Variants in CSMD1 observed in about 807,000 individuals in gnomAD.
The protein encoded by CSMD1 is CUB and Sushi multiple domains 1, also known as CUB and sushi domain-containing protein 1.
A neutral mutation model predicts 417.5 loss-of-function variants in CSMD1; 213 were observed. The observed-to-expected ratio is 0.51, with a 90% confidence interval of 0.46 to 0.57. The LOEUF is 0.57. CSMD1 is among the 20% of genes least tolerant of loss of function. The probability of loss-of-function intolerance (pLI) is 0.00; values close to 1 mark genes in which losing one functional copy is unlikely to be tolerated. For missense variants in CSMD1, 6,923 were observed against 4,529.7 expected (o/e 1.53, Z -15.17); for synonymous variants, 2,862 against 1,736.8 (o/e 1.65, Z -16.11).
intron 2 of CSMD1, among the ~76,000 whole-genome samples, chr8:4,434,719 A>C (rs948138149): frequency 1.3e-5 from 2 of 152,180 alleles, no homozygotes; most frequent in African/African-American, 4.8e-5. Context: ...TGCCCCTGAC[A>C]GTGCTCATCC....
intron 49 of CSMD1, among the ~76,000 whole-genome samples, chr8:3,084,373 A>G (rs1449850888): frequency 6.6e-6 from 1 of 151,876 alleles, no homozygotes. Context: ...AATACAAAAA[A>G]TTAGCCGGCT....
chr8:3,864,642 C>T (rs930915556), intron 5 of CSMD1, among the ~76,000 whole-genome samples: 22 of 152,164 alleles, frequency 1.4e-4, no homozygotes, highest in African/African-American at 4.6e-4. Flanking sequence ...CAACAGGCCC[C>T]GGTGTGTGAT....
intron 1 of CSMD1, among the ~76,000 whole-genome samples, chr8:4,642,157 G>C (rs1219802371): frequency 6.6e-6 from 1 of 152,190 alleles, no homozygotes; most frequent in Non-Finnish European, 1.5e-5. Flanking sequence ...GCTCGGCAAG[G>C]AGCCTATAGG....
At chr8:4,198,270 G>T (rs377579482) in intron 3 of CSMD1, among the ~76,000 whole-genome samples, 1 of 152,234 alleles carries the variant, frequency 6.6e-6, no homozygotes, top group South Asian at 2.1e-4. Flanking sequence ...TATTACAGAA[G>T]CACAGAAGGT....
chr8:3,057,126 G>A (rs1812284125), intron 49 of CSMD1, among the ~76,000 whole-genome samples: 1 of 151,922 alleles, frequency 6.6e-6, no homozygotes, highest in South Asian at 2.1e-4. Flanking sequence ...ATGCTTATAT[G>A]GTAAGAAATG....
At chr8:3,306,426 G>A (rs527273833) in intron 25 of CSMD1, among the ~76,000 whole-genome samples, 17 of 152,136 alleles carry the variant, frequency 1.1e-4, no homozygotes, top group Middle Eastern at 3.4e-3. Flanking sequence ...CACCCACCTC[G>A]GCCTCCCAAA....
At chr8:4,910,185 T>C (rs1345236353) in intron 1 of CSMD1, among the ~76,000 whole-genome samples, 1 of 152,208 alleles carries the variant, frequency 6.6e-6, no homozygotes, top group Non-Finnish European at 1.5e-5. Context: ...ATTATACACA[T>C]ACACACACTT....
chr8:4,008,735 T>G (rs2740959), intron 4 of CSMD1, among the ~76,000 whole-genome samples: 1 of 150,592 alleles, frequency 6.6e-6, no homozygotes, highest in South Asian at 2.1e-4. Context: ...CTCAGCCTCC[T>G]GAGTAGCTGG....
intron 3 of CSMD1, among the ~76,000 whole-genome samples, chr8:4,071,531 A>G (rs1275407014): frequency 1.3e-5 from 2 of 152,124 alleles, no homozygotes; most frequent in African/African-American, 2.4e-5. Context: ...CATAATTGTA[A>G]TAACAGCTGC....
In CSMD1 at chr8:3,401,500, A is replaced by C. The variant is rs115094753; in HGVS notation, c.2267-1971T>G. Among the ~76,000 whole-genome samples, 872 of 152,250 alleles carry C rather than the reference A, an allele frequency of 5.7e-3. 7 individuals are homozygous for C. Among genetic ancestry groups the C allele is most frequent in the African/African-American group, 0.02 (819 of 41,528 alleles). ...TGCCGATGAGCAAAATTTACACTAA[A>C]ATAATAATGATCTCAGTAAGTAGAT... On this transcript the variant is annotated intron_variant, in intron 15 of 69. Coordinates refer to ENST00000635120, the MANE Select transcript of CSMD1 (RefSeq NM_033225.6).
At chr8:3,556,754 C>T (rs960086082) in intron 10 of CSMD1, among the ~76,000 whole-genome samples, 11 of 152,050 alleles carry the variant, frequency 7.2e-5, no homozygotes, top group African/African-American at 2.7e-4. Flanking sequence ...TATTAGCTTT[C>T]AAGCCTAGCT....
At chr8:4,240,392 G>A (rs80217504) in intron 3 of CSMD1, among the ~76,000 whole-genome samples, 2,605 of 152,302 alleles carry the variant, frequency 0.017, 70 homozygotes, top group African/African-American at 0.058. Context: ...AGGCATCACA[G>A]TTGAGCACCT....
intron 1 of CSMD1, among the ~76,000 whole-genome samples, chr8:4,889,228 G>T (rs1237219951): frequency 6.6e-6 from 1 of 152,110 alleles, no homozygotes; most frequent in Non-Finnish European, 1.5e-5. Context: ...CAGTAGGAAT[G>T]ACTCTGAAAA....
chr8:2,983,265 C>T (rs1049075505), intron 54 of CSMD1, among the ~76,000 whole-genome samples: 1 of 152,112 alleles, frequency 6.6e-6, no homozygotes, highest in Admixed American at 6.5e-5. Flanking sequence ...CGGCTCACTG[C>T]AAGCTCCACC....
At chr8:4,074,613 T>A (rs892334245) in intron 3 of CSMD1, among the ~76,000 whole-genome samples, 1 of 152,156 alleles carries the variant, frequency 6.6e-6, no homozygotes, top group Non-Finnish European at 1.5e-5. Flanking sequence ...ACTACTGTCC[T>A]ACATTTGGGC....
Position 4,090,487 on chromosome 8 carries a change from G to C in CSMD1, c.416-58388C>G, listed in dbSNP as rs143635028. Among the ~76,000 whole-genome samples the C allele has an allele frequency of 2.9e-3, 447 of 152,240 alleles. 3 individuals are homozygous for C. Among genetic ancestry groups the C allele is most frequent in the Non-Finnish European group, 4.8e-3 (324 of 68,016 alleles). On this transcript the variant is annotated intron_variant, in intron 3 of 69. Coordinates refer to ENST00000635120, the MANE Select transcript of CSMD1 (RefSeq NM_033225.6). ...TTTTAAAATAAAAAACAAACAGCTA[G>C]AAATAACTCCTACTGCTTCATGGAA...
intron 3 of CSMD1, among the ~76,000 whole-genome samples, chr8:4,378,031 A>C (rs1584982275): frequency 6.6e-6 from 1 of 152,188 alleles, no homozygotes; most frequent in Admixed American, 6.5e-5. Context: ...ATTCCCTCTA[A>C]TATACAGGTA....
rs115693338 is a variant in CSMD1 at position 4,064,190 on chromosome 8, G to A, written c.416-32091C>T. Among the ~76,000 whole-genome samples the A allele has an allele frequency of 5.4e-3, 816 of 152,292 alleles. 13 individuals carry two copies. The highest frequency in any genetic ancestry group is 0.019 in the African/African-American group (790 of 41,564). ...GAAAAGTGCAAACTAAAGACATTAG[G>A]AGCTTTCACCATGGCTCAGATTTGT... On this transcript the variant is annotated intron_variant, in intron 3 of 69. Transcript: ENST00000635120.
intron 56 of CSMD1, among the ~76,000 whole-genome samples, 173 bp from the exon 57 acceptor site, chr8:2,973,472 T>G (rs1316778079): frequency 2.0e-5 from 3 of 152,132 alleles, no homozygotes; most frequent in Middle Eastern, 3.2e-3. Context: ...AGCCCCAAAA[T>G]GAAAAGAATT....
Sources: gnomAD v4.1 joint callset for allele counts (sites outside exome capture counted in the v4.1 genomes callset) on GRCh38, gnomAD v4.1.1 for gene constraint, MANE v1.5 for transcripts, NCBI Gene and HGNC (gene_info 2026-07-23, HGNC 2026-07-21) for gene names.